PRDM16: variants seen among roughly 807,000 people sequenced by gnomAD.
The protein encoded by PRDM16 is histone-lysine N-methyltransferase PRDM16.
Under a neutral mutation model 110.6 loss-of-function variants are expected in PRDM16, and 23 were observed. That is an observed-to-expected ratio of 0.21 (90% confidence interval 0.15 to 0.29). The LOEUF (loss-of-function observed/expected upper bound fraction) is 0.29. Among genes scored for constraint, PRDM16 ranks in the 10% least tolerant of loss-of-function variants. The probability of loss-of-function intolerance (pLI) is 1.00; values close to 1 mark genes in which losing one functional copy is unlikely to be tolerated. For missense variants in PRDM16, 1,615 were observed against 1,794.3 expected (o/e 0.90, Z 1.81); for synonymous variants, 799 against 781.8 (o/e 1.02, Z -0.37).
intron 2 of PRDM16, among the ~76,000 whole-genome samples, chr1:3,196,603 G>T (rs1399819732): frequency 1.3e-5 from 2 of 152,196 alleles, no homozygotes; most frequent in African/African-American, 2.4e-5. Flanking sequence ...GCCAGGAACC[G>T]CAGGGGTTCC....
chr1:3,213,085 C>T lies in PRDM16; in HGVS notation c.387+26611C>T, dbSNP rs904564783. 4.6e-5 allele frequency among the ~76,000 whole-genome samples: 7 copies of T among 152,144 alleles called. No individual in the cohort carries two copies. Among genetic ancestry groups the T allele is most frequent in the South Asian group, 2.1e-4 (1 of 4,824 alleles). On this transcript the variant is annotated intron_variant, in intron 2 of 16. Transcript: ENST00000270722. This position sits in a 1 kb window ranked among gnomAD's most constrained non-coding sequence, Gnocchi z 5.3. ...CCTGCCGCACGCTTCCCCGGGAGGC[C>T]GAGCTCAGGAAGACGCGGCAAATCC...
intron 3 of PRDM16, among the ~76,000 whole-genome samples, chr1:3,298,768 G>T (rs1641143482): frequency 6.6e-6 from 1 of 152,164 alleles, no homozygotes; most frequent in African/African-American, 2.4e-5. Context: ...GCCAGTTCTG[G>T]AGCTGTAGGA....
At chr1:3,180,225 C>T (rs1024529052) in intron 1 of PRDM16, among the ~76,000 whole-genome samples, 4 of 151,110 alleles carry the variant, frequency 2.6e-5, no homozygotes, top group Non-Finnish European at 5.9e-5. Context: ...TCCCACCCCC[C>T]AGGCCAAGAC....
chr1:3,178,045 G>T (rs930443647), intron 1 of PRDM16, among the ~76,000 whole-genome samples: 6 of 152,196 alleles, frequency 3.9e-5, no homozygotes, highest in Non-Finnish European at 7.3e-5. Flanking sequence ...GTTAAAAACA[G>T]ACTTGCAAGG....
rs1569713523 is a variant in PRDM16, at chr1:3,157,399, T to C, written c.38-28726T>C. ...TTGATCTGGGGACCTGCCCCCAGGC[T>C]CCCAGGCCTTTTGCGATCCCATTAA... On this transcript the variant is annotated intron_variant, in intron 1 of 16. Coordinates refer to ENST00000270722, the MANE Select transcript of PRDM16 (RefSeq NM_022114.4). This position sits in a 1 kb window ranked among gnomAD's most constrained non-coding sequence, Gnocchi z 4.8. Among the ~76,000 whole-genome samples, 3 of 136,310 alleles carry C rather than the reference T, an allele frequency of 2.2e-5. No homozygotes were observed. Among genetic ancestry groups the C allele is most frequent in the East Asian group, 2.2e-4 (1 of 4,538 alleles). The allele number at this position is 136,310 out of a possible 152,430, so 89.4% of individuals were successfully genotyped here. A position where few individuals can be genotyped will look rare whatever the true frequency, so the allele number is the denominator to read the frequency against.
chr1:3,230,533 A>G (rs1639382674), intron 2 of PRDM16, among the ~76,000 whole-genome samples: 1 of 152,254 alleles, frequency 6.6e-6, no homozygotes, highest in African/African-American at 2.4e-5. Context: ...CCCTTGTGGC[A>G]AGTTCGTGTG....
chr1:3,160,613 G>T (rs1236561212), intron 1 of PRDM16, among the ~76,000 whole-genome samples: 2 of 152,184 alleles, frequency 1.3e-5, no homozygotes, highest in Non-Finnish European at 2.9e-5. Context: ...TGCAGGGGAG[G>T]CCTCTGGACA....
chr1:3,071,858 G>T (rs1327283102), intron 1 of PRDM16, among the ~76,000 whole-genome samples: 3 of 152,224 alleles, frequency 2.0e-5, no homozygotes, highest in Non-Finnish European at 4.4e-5. Context: ...ACCGCCGAGT[G>T]TGCATCTGGA....
intron 3 of PRDM16, among the ~76,000 whole-genome samples, chr1:3,368,378 G>A (rs950203170): frequency 3.3e-5 from 5 of 152,206 alleles, no homozygotes; most frequent in Admixed American, 6.5e-5. Flanking sequence ...TGGAGCCCTG[G>A]CTCTGGCTGG....
intron 2 of PRDM16, among the ~76,000 whole-genome samples, chr1:3,237,661 A>ATC (rs1162425388): frequency 4.6e-5 from 7 of 152,198 alleles, no homozygotes; most frequent in Non-Finnish European, 7.4e-5. Flanking sequence ...CCATTCAATC[A>ATC]TCTCACAGGA....
intron 2 of PRDM16, among the ~76,000 whole-genome samples, chr1:3,205,043 A>G (rs1456016988): frequency 6.6e-6 from 1 of 152,166 alleles, no homozygotes; most frequent in Admixed American, 6.5e-5. Context: ...AATGCGGCCT[A>G]AATGAGGGCC....
At chr1:3,276,726 C>CGTGAACAGAGCCAGCGAGGGGTGCT (rs1640593827) in intron 3 of PRDM16, among the ~76,000 whole-genome samples, 1 of 131,260 alleles carries the variant, frequency 7.6e-6, no homozygotes, top group East Asian at 1.9e-4. Flanking sequence ...CGAGGGGTGC[C>CGTGAACAGAGCCAGCGAGGGGTGCT]TGTTTCCTCA....
intron 2 of PRDM16, among the ~76,000 whole-genome samples, chr1:3,204,994 T>C (rs1638721180): frequency 6.6e-6 from 1 of 151,720 alleles, no homozygotes; most frequent in South Asian, 2.1e-4. Flanking sequence ...GTCCCCTGAA[T>C]GGGGTAAAGA....
At position 3,244,087 on chromosome 1, in the gene PRDM16, C is replaced by G. The variant is rs898082337; in HGVS notation, c.388C>G (p.Gln130Glu). 36 of 1,613,814 alleles carry G rather than the reference C, an allele frequency of 2.2e-5. No individual in the cohort carries two copies. The highest frequency in any genetic ancestry group is 6.7e-5 in the African/African-American group (5 of 74,930). Residue 130 changes from glutamine (Q) to glutamate (E), a missense_variant and splice_region_variant, in exon 3 of 17, where the codon CAA (glutamine) becomes GAA (glutamate). Around this residue, in one of 5 missense-constraint regions of PRDM16, gnomAD observed 416 missense variants for 467.1 expected, o/e 0.89. Transcript: ENST00000270722. This position sits in a 1 kb window ranked among gnomAD's most constrained non-coding sequence, Gnocchi z 4.1. ...AACCCCTCTCAAAATTGTTTTGCAG[C>G]AAATACTGACGGACGTGGAAGTGTC... ...AAKETDFGWE[Q>E]ILTDVEVSPQ...
At chr1:3,216,628 C>G (rs1481808735) in intron 2 of PRDM16, among the ~76,000 whole-genome samples, 2 of 152,212 alleles carry the variant, frequency 1.3e-5, no homozygotes, top group African/African-American at 4.8e-5. Flanking sequence ...TCCTAGCAGG[C>G]TGGAGCTGGG....
rs1488820851 is a variant in PRDM16 at position 3,110,374 on chromosome 1, T to A, written c.37+41078T>A. ...GTCCTGGGTGTGGGGACACAGTGTCTGCGGCTCCCCCATGTCCTGGGTGTG... is the reference window on the plus strand; with the variant it reads ...GTCCTGGGTGTGGGGACACAGTGTCAGCGGCTCCCCCATGTCCTGGGTGTG... On this transcript the variant is annotated intron_variant, in intron 1 of 16. Transcript: ENST00000270722. Among the ~76,000 whole-genome samples the A allele has an allele frequency of 6.8e-5, 10 of 147,924 alleles. No homozygotes were observed. In the East Asian group the frequency reaches 1.3e-3, roughly 19 times the overall value.
Position 3,245,746 on chromosome 1 carries a change from G to C in PRDM16, c.438+1609G>C, listed in dbSNP as rs975768433. On this transcript the variant is annotated intron_variant, in intron 3 of 16. Transcript: ENST00000270722. This position sits in a 1 kb window ranked among gnomAD's most constrained non-coding sequence, Gnocchi z 4.7. ...TTAAATGAGTTCACATTTTCTTAAA[G>C]GACATAGAGGAGCAGGAAACAGTTA... 6.6e-6 allele frequency among the ~76,000 whole-genome samples: 1 copy of C among 152,090 alleles called. No individual in the cohort carries two copies. The highest frequency in any genetic ancestry group is 1.5e-5 in the Non-Finnish European group (1 of 68,030).
At chr1:3,364,949 C>G (rs76860630) in intron 3 of PRDM16, among the ~76,000 whole-genome samples, 3,761 of 152,306 alleles carry the variant, frequency 0.025, 143 homozygotes, top group African/African-American at 0.082. Flanking sequence ...TCCCTCATTC[C>G]CTCGTGCAGC....
chr1:3,261,083 A>G (rs182811111), intron 3 of PRDM16, among the ~76,000 whole-genome samples: 67 of 151,140 alleles, frequency 4.4e-4, no homozygotes, highest in African/African-American at 1.6e-3. Context: ...TAAGGCATGG[A>G]ACAGTGCTCA....
Sources: gnomAD v4.1 joint callset for allele counts (sites outside exome capture counted in the v4.1 genomes callset) on GRCh38, gnomAD v4.1.1 for gene constraint, gnomAD v4.1.1 regional missense constraint, Gnocchi (gnomAD v3.1) non-coding constraint, MANE v1.5 for transcripts, NCBI Gene and HGNC (gene_info 2026-07-23, HGNC 2026-07-21) for gene names.